ANK3: variants seen among roughly 807,000 people sequenced by gnomAD.
ANK3 encodes the protein ankyrin-3.
A neutral mutation model predicts 370.9 loss-of-function variants in ANK3; 57 were observed. The observed-to-expected ratio is 0.15, with a 90% CI of 0.12 to 0.19. The LOEUF (loss-of-function observed/expected upper bound fraction) is 0.19. Ranked by LOEUF, ANK3 falls within the 10% of genes least tolerant of loss-of-function variation. The probability of loss-of-function intolerance (pLI) is 1.00; values close to 1 mark genes in which losing one functional copy is unlikely to be tolerated. For synonymous variants in ANK3, 1,929 were observed against 1,946.3 expected (o/e 0.99, Z 0.23); for missense variants, 4,439 against 5,302.1 (o/e 0.84, Z 5.06).
At chr10:60,603,243 A>G (rs2078088348) in intron 2 of ANK3, among the ~76,000 whole-genome samples, 1 of 152,152 alleles carries the variant, frequency 6.6e-6, no homozygotes, top group South Asian at 2.1e-4. Flanking sequence ...GCACTGACAT[A>G]GCATATGCAA....
intron 7 of ANK3, among the ~76,000 whole-genome samples, chr10:60,240,302 A>ATTTTT (rs1170312298): frequency 1.4e-4 from 12 of 88,122 alleles, no homozygotes; most frequent in South Asian, 7.4e-4. Context: ...ATATATATAT[A>ATTTTT]TATATTTTTT....
intron 23 of ANK3, among the ~76,000 whole-genome samples, chr10:60,152,687 G>A (rs531817192): frequency 6.6e-6 from 1 of 151,992 alleles, no homozygotes; most frequent in African/African-American, 2.4e-5. Flanking sequence ...ACAAAATACG[G>A]CAACCACACA....
Position 60,063,209 on chromosome 10 carries a change from A to G in ANK3, c.12497T>C (p.Ile4166Thr), listed in dbSNP as rs758933057. Residue 4166 changes from isoleucine (I) to threonine (T), a missense_variant, in exon 40 of 44, where the codon ATA becomes ACA. Physicochemically the swap from Ile to Thr is moderately conservative, Grantham distance 89. Around this residue, in one of 13 missense-constraint regions of ANK3, gnomAD observed 99 missense variants for 150.7 expected, o/e 0.66. Transcript: ENST00000280772. Reference protein sequence around the residue: ...SVLTKINRIDIVTLLEGPIFD... With the variant: ...SVLTKINRIDTVTLLEGPIFD... ...TATTGGTCCTTCTAGCAGTGTCACT[A>G]TATCTATTCGATTAATTTTTGTCAA... 3 of 1,611,446 alleles carry G rather than the reference A, an allele frequency of 1.9e-6. No homozygotes were observed. The highest frequency in any genetic ancestry group is 1.3e-5 in the African/African-American group (1 of 74,870).
intron 2 of ANK3, among the ~76,000 whole-genome samples, chr10:60,577,784 T>A (rs1477865285): frequency 6.6e-6 from 1 of 152,232 alleles, no homozygotes; most frequent in African/African-American, 2.4e-5. Context: ...GATGAAAGCA[T>A]CTGAAGAAAC....
chr10:60,477,119 T>C (rs1327622998), intron 2 of ANK3, among the ~76,000 whole-genome samples: 2 of 152,214 alleles, frequency 1.3e-5, no homozygotes, highest in East Asian at 1.9e-4. Context: ...AAATATATAC[T>C]TATTTTAATT....
At position 60,698,133 on chromosome 10, in the gene ANK3, C is replaced by CA. The variant is rs903963936; in HGVS notation, c.57+35129dup. Among the ~76,000 whole-genome samples, 207 of 151,274 alleles carry CA rather than the reference C, an allele frequency of 1.4e-3. 1 individual carries two copies. The highest frequency in any genetic ancestry group is 3.4e-3 in the Middle Eastern group (1 of 292). Reference sequence around the variant, plus strand: ...TCTCAAAAGAAGACATTTATGCAGCCAAAAAAAACATGAAAAAATGCTCAC... The same window carrying CA: ...TCTCAAAAGAAGACATTTATGCAGCCAAAAAAAAACATGAAAAAATGCTCAC... On this transcript the variant is annotated intron_variant, in intron 1 of 43. Transcript: ENST00000373827.
At chr10:60,193,373 T>C (rs1432052598) in intron 16 of ANK3, among the ~76,000 whole-genome samples, 1 of 152,224 alleles carries the variant, frequency 6.6e-6, no homozygotes. Context: ...GAGTTATTTG[T>C]GCGCCTAGCA....
intron 15 of ANK3, 122 bp from the exon 16 acceptor site, chr10:60,196,365 G>T: frequency 1.0e-6 from 1 of 979,878 alleles, no homozygotes; most frequent in Non-Finnish European, 1.5e-6. Context: ...GGTTTCCACA[G>T]TACTTGGACC....
chr10:60,080,409 C>A, intron 36 of ANK3, 128 bp downstream of exon 36: 1 of 770,030 alleles, frequency 1.3e-6, no homozygotes. Context: ...GGTTGTATGA[C>A]AGGGTTTTCC....
chr10:60,220,855 T>C, intron 8 of ANK3, among the ~76,000 whole-genome samples: 1 of 152,312 alleles, frequency 6.6e-6, no homozygotes, highest in African/African-American at 2.4e-5. Flanking sequence ...TCAAATATCT[T>C]ACCAGTGTCT....
intron 1 of ANK3, among the ~76,000 whole-genome samples, chr10:60,651,637 GTTAT>G (rs2078790733): frequency 6.6e-6 from 1 of 152,154 alleles, no homozygotes; most frequent in Non-Finnish European, 1.5e-5. Flanking sequence ...TATGAGCTCT[GTTAT>G]TTATTAGCTG....
rs143085903 is a variant in ANK3, at chr10:60,650,956, T to C, written c.58-35732A>G. ...ACAACAACAACAAAAAATAGCCAGA[T>C]GTGGTGGCACACACCTGTAGTTCCA... is the stretch of plus-strand genomic sequence containing the variant. On this transcript the variant is annotated intron_variant, in intron 1 of 43. Transcript: ENST00000373827. Among the ~76,000 whole-genome samples the C allele has an allele frequency of 4.4e-3, 677 of 152,166 alleles. 3 individuals carry two copies. Among genetic ancestry groups the C allele is most frequent in the African/African-American group, 0.015 (638 of 41,518 alleles).
chr10:60,050,615 G>T (rs1206833901), intron 42 of ANK3: 13 of 152,126 alleles, frequency 8.5e-5, no homozygotes, highest in Admixed American at 8.5e-4. Flanking sequence ...ATTGAAAATG[G>T]CTTTCTAGTT....
Position 60,546,256 on chromosome 10 carries a change from G to A in ANK3, c.96+68930C>T, listed in dbSNP as rs765007903. ...TCACTATGTTGCCCAGATTGGTCTC[G>A]AACTCCTGGTCTCAAGTGATTCTCG... On this transcript the variant is annotated intron_variant, in intron 2 of 43. Coordinates refer to the ANK3 transcript ENST00000373827. 2.6e-5 allele frequency among the ~76,000 whole-genome samples: 4 copies of A among 152,138 alleles called. No individual in the cohort carries two copies. In the South Asian group the frequency reaches 6.2e-4, roughly 24 times the overall value.
intron 23 of ANK3, among the ~76,000 whole-genome samples, chr10:60,163,724 T>G (rs939319417): frequency 6.6e-6 from 1 of 152,222 alleles, no homozygotes; most frequent in African/African-American, 2.4e-5. Context: ...ATTTTAAATT[T>G]TAAATATCTA....
intron 42 of ANK3, chr10:60,051,576 T>C: frequency 1.0e-6 from 1 of 976,686 alleles, no homozygotes; most frequent in African/African-American, 1.7e-5. Context: ...CAAATGCATT[T>C]TTAGTATAAT....
At chr10:60,683,726 C>T (rs1453785548) in intron 1 of ANK3, among the ~76,000 whole-genome samples, 1 of 152,216 alleles carries the variant, frequency 6.6e-6, no homozygotes, top group African/African-American at 2.4e-5. Context: ...CCTTGTTTCC[C>T]AAATTAACAT....
intron 28 of ANK3, among the ~76,000 whole-genome samples, chr10:60,094,656 A>G (rs990305473): frequency 1.3e-5 from 2 of 152,204 alleles, no homozygotes; most frequent in Non-Finnish European, 2.9e-5. Context: ...CAAGGGCTGC[A>G]GTTGATGGCT....
chr10:60,172,900 C>T lies in ANK3; in HGVS notation c.2382G>A (p.Val794=). The stretch of plus-strand genomic sequence containing the variant: ...TCCTGAGCTGGCCCTGAGCGCTTAC[C>T]ACAGTGAGTTCATTGGGGGAGGCGT... ...QNNASPNELT[V]NGNTALGIAR... The change falls in exon 20 of 44, where the codon GTG becomes GTA. Residue 794 remains valine, a splice_region_variant and synonymous_variant. Transcript: ENST00000280772. 1 of 1,611,338 alleles carries T rather than the reference C, an allele frequency of 6.2e-7. No homozygotes were observed. The highest frequency in any genetic ancestry group is 8.5e-7 in the Non-Finnish European group (1 of 1,177,658).
Sources: allele counts gnomAD v4.1 joint callset (sites outside exome capture counted in the v4.1 genomes callset), GRCh38; gene constraint gnomAD v4.1.1; regional missense constraint gnomAD v4.1.1; transcripts MANE v1.5; gene names NCBI Gene and HGNC (gene_info 2026-07-23, HGNC 2026-07-21).